The following LRP12 variants were observed in gnomAD, a reference collection of about 807,000 sequenced individuals.
LRP12 encodes the protein low-density lipoprotein receptor-related protein 12.
Under a neutral mutation model 66.0 loss-of-function variants are expected in LRP12, and 14 were observed. That is an observed-to-expected ratio of 0.21 (90% confidence interval 0.14 to 0.33). LRP12 has a LOEUF of 0.33. LRP12 is among the 10% of genes least tolerant of loss of function. LRP12 has a pLI of 1.00. For synonymous variants in LRP12, 357 were observed against 359.1 expected, an observed-to-expected ratio of 0.99 and a Z score of 0.07; for missense variants, 889 against 1,053.4, an observed-to-expected ratio of 0.84 and a Z score of 2.16.
chr8:104,566,302 G>A (rs1248297047), intron 1 of LRP12: 3 of 286,430 alleles, frequency 1.0e-5, no homozygotes, highest in East Asian at 8.2e-5. Flanking sequence ...CCAACATTAA[G>A]GTGATCAAGT....
intron 2 of LRP12, among the ~76,000 whole-genome samples, chr8:104,528,869 T>C (rs1408308633): frequency 6.6e-6 from 1 of 152,134 alleles, no homozygotes; most frequent in Non-Finnish European, 1.5e-5. Context: ...ATAATATAAT[T>C]GGAATAGATT....
At chr8:104,514,713 C>CA (rs1199382082) in intron 2 of LRP12, among the ~76,000 whole-genome samples, 2 of 151,792 alleles carry the variant, frequency 1.3e-5, no homozygotes, top group Non-Finnish European at 2.9e-5. Flanking sequence ...AAAAGAAAAA[C>CA]AAAAAAACCA....
intron 6 of LRP12, 54 bp downstream of exon 6, chr8:104,495,023 G>A (rs1246382953): frequency 1.3e-6 from 2 of 1,546,792 alleles, no homozygotes; most frequent in African/African-American, 2.7e-5. Context: ...ATATATACAG[G>A]CGCAGATTTC....
In LRP12 at chr8:104,585,159, A is replaced by G. The variant is rs1338965262; in HGVS notation, c.79+3660T>C. On this transcript the variant is annotated intron_variant, in intron 1 of 6. Transcript: ENST00000276654. ...TCTGGCAGCAAGTAACCAAAAATTA[A>G]CCATCTGCAACTCTTGAAGTTTATT... Among the ~76,000 whole-genome samples, 4 of 152,254 alleles carry G rather than the reference A, an allele frequency of 2.6e-5. No homozygotes were observed. In the East Asian group the frequency reaches 7.7e-4, roughly 29 times the overall value.
At chr8:104,521,538 T>C (rs1416728469) in intron 2 of LRP12, among the ~76,000 whole-genome samples, 1 of 151,496 alleles carries the variant, frequency 6.6e-6, no homozygotes, top group Non-Finnish European at 1.5e-5. Flanking sequence ...CTTTAAAACT[T>C]TAAGTGTCTC....
Position 104,495,214 on chromosome 8 carries a change from G to A in LRP12, c.1581-5C>T. On this transcript the variant is annotated splice_region_variant and splice_polypyrimidine_tract_variant and intron_variant, in intron 5 of 6. Transcript: ENST00000276654. ...GACAACTGTGTTTCAAATGATCTTT[G>A]AGAGTAGATGGAAAGAAAAATGATT... 6.2e-7 allele frequency: 1 copy of A among 1,603,608 alleles called. No homozygotes were observed.
chr8:104,548,158 A>T (rs1564141777), intron 1 of LRP12, among the ~76,000 whole-genome samples: 8 of 68,800 alleles, frequency 1.2e-4, no homozygotes, highest in African/African-American at 1.4e-4. Context: ...ATATATTAAT[A>T]ATTATTATAT....
chr8:104,545,759 C>T (rs529730920), intron 1 of LRP12, among the ~76,000 whole-genome samples: 1 of 152,258 alleles, frequency 6.6e-6, no homozygotes, highest in African/African-American at 2.4e-5. Flanking sequence ...CCAAAAAATA[C>T]ACGTGACTCA....
Position 104,588,960 on chromosome 8 carries a change from G to C in LRP12, c.-63C>G. 1 of 1,034,430 alleles carries C rather than the reference G, an allele frequency of 9.7e-7. No individual in the cohort carries two copies. The highest frequency in any genetic ancestry group is 1.3e-6 in the Non-Finnish European group (1 of 754,620). The allele number at this position is 1,034,430 out of a possible 1,614,324, so 64.1% of individuals were successfully genotyped here. On this transcript the variant is annotated 5_prime_UTR_variant, in exon 1 of 7. Coordinates refer to ENST00000276654, the MANE Select transcript of LRP12 (RefSeq NM_013437.5). ...GAGGAGGGAGGAGAAGCTGGAGGTA[G>C]ACGACGCCGACGCCGCCGCCGCCGC...
intron 2 of LRP12, among the ~76,000 whole-genome samples, chr8:104,525,912 T>G (rs928410260): frequency 2.0e-5 from 3 of 152,214 alleles, no homozygotes; most frequent in Admixed American, 6.5e-5. Context: ...GCAGACGACA[T>G]GATTGTGTAT....
At chr8:104,531,267 T>C (rs1448714328) in intron 2 of LRP12, among the ~76,000 whole-genome samples, 5 of 152,164 alleles carry the variant, frequency 3.3e-5, no homozygotes, top group Non-Finnish European at 1.5e-5. Context: ...TCCTAGTAAC[T>C]GTGGTTGACA....
At chr8:104,524,676 A>G (rs113455835) in intron 2 of LRP12, among the ~76,000 whole-genome samples, 1,724 of 152,332 alleles carry the variant, frequency 0.011, 26 homozygotes, top group African/African-American at 0.04. Context: ...CAAAAGGACA[A>G]ATAAAAAATT....
At chr8:104,502,924 GC>G (rs1810850408) in intron 3 of LRP12, among the ~76,000 whole-genome samples, 1 of 152,076 alleles carries the variant, frequency 6.6e-6, no homozygotes, top group Non-Finnish European at 1.5e-5. Context: ...GGTGGCTCAC[GC>G]CGTAATCCCA....
intron 2 of LRP12, among the ~76,000 whole-genome samples, chr8:104,521,201 T>G (rs1156750621): frequency 6.6e-6 from 1 of 151,986 alleles, no homozygotes; most frequent in East Asian, 1.9e-4. Flanking sequence ...ACCAAAAATC[T>G]GAAGTGTGAA....
chr8:104,571,529 C>G (rs1053798188), intron 1 of LRP12, among the ~76,000 whole-genome samples: 1 of 152,094 alleles, frequency 6.6e-6, no homozygotes, highest in African/African-American at 2.4e-5. Flanking sequence ...TTGGTAGTTC[C>G]TCCTGTGTTC....
intron 1 of LRP12, among the ~76,000 whole-genome samples, chr8:104,580,358 T>TAAAAAAA (rs774764260): frequency 5.4e-5 from 5 of 92,092 alleles, no homozygotes; most frequent in Non-Finnish European, 6.7e-5. Context: ...CTACTAAAAA[T>TAAAAAAA]AAAAAAAAAA....
chr8:104,548,128 TA>T (rs1287077306), intron 1 of LRP12, among the ~76,000 whole-genome samples: 7 of 102,924 alleles, frequency 6.8e-5, no homozygotes, highest in African/African-American at 3.1e-4. Flanking sequence ...TTGTATATAA[TA>T]TATAATTATA....
At chr8:104,545,036 T>C (rs538601674) in intron 1 of LRP12, among the ~76,000 whole-genome samples, 6 of 152,140 alleles carry the variant, frequency 3.9e-5, no homozygotes, top group African/African-American at 1.4e-4. Flanking sequence ...CCATTGGAGG[T>C]CAATGAACTG....
chr8:104,546,531 G>A (rs1811559528), intron 1 of LRP12, among the ~76,000 whole-genome samples: 1 of 151,748 alleles, frequency 6.6e-6, no homozygotes, highest in African/African-American at 2.4e-5. Flanking sequence ...AGATTCCATC[G>A]TCCCCACATT....
Sources: gnomAD v4.1 joint callset for allele counts (sites outside exome capture counted in the v4.1 genomes callset) on GRCh38, gnomAD v4.1.1 for gene constraint, MANE v1.5 for transcripts, NCBI Gene and HGNC (gene_info 2026-07-23, HGNC 2026-07-21) for gene names.